The following CTSV variants were observed in gnomAD, a reference collection of about 807,000 sequenced individuals.
CTSV encodes cathepsin V.
A neutral mutation model predicts 35.6 loss-of-function variants in CTSV; 33 were observed. That is an observed-to-expected ratio of 0.93 (90% confidence interval 0.70 to 1.24). The LOEUF is 1.24. Ranked by LOEUF, CTSV falls within the 50% of genes most tolerant of loss-of-function variation. The pLI is 0.00. For missense variants in CTSV, 408 were observed against 413.1 expected (o/e 0.99, Z 0.11); for synonymous variants, 154 against 147.1 (o/e 1.05, Z -0.34).
In CTSV at chr9:97,034,710, A is replaced by G; in HGVS notation, c.905+16T>C. ...ATTTGGAACAAAAATTCCCTTTTCA[A>G]TTTTGAGTTTTATACCTGTTTTTGA... On this transcript the variant is annotated intron_variant, in intron 7 of 7. Transcript: ENST00000259470. 1 of 1,597,296 alleles carries G rather than the reference A, an allele frequency of 6.3e-7. No homozygotes were observed. Among genetic ancestry groups the G allele is most frequent in the African/African-American group, 1.3e-5 (1 of 74,692 alleles).
intron 4 of CTSV, among the ~76,000 whole-genome samples, chr9:97,037,000 G>T (rs112818299): frequency 2.0e-5 from 3 of 152,008 alleles, no homozygotes; most frequent in Admixed American, 2.0e-4. Flanking sequence ...CCAGCTACTC[G>T]GGAGGTGGAG....
In CTSV at chr9:97,031,154, T is replaced by C. The variant is rs1828738804; in HGVS notation, c.*1795A>G. ...TCAATTTAGTGCCTAGATGTTTCCT[T>C]AGAGCCTGGGTTGTTGTTCCAAGAA... On this transcript the variant is annotated 3_prime_UTR_variant, in exon 8 of 8. Transcript: ENST00000259470. The C allele has an allele frequency of 6.6e-6, 1 of 152,240 alleles. No individual in the cohort carries two copies. The allele number at this position is 152,240 out of a possible 1,614,324, so 9.4% of individuals were successfully genotyped here. A position where few individuals can be genotyped will look rare whatever the true frequency, so the allele number is the denominator to read the frequency against.
upstream of CTSV, chr9:97,039,573 T>A (rs1168007290): frequency 1.2e-4 from 18 of 151,438 alleles, no homozygotes; most frequent in Admixed American, 1.2e-3. Flanking sequence ...TGGGACGGAG[T>A]GGAAGAACGC....
chr9:97,039,372 A>G (rs2119240183), upstream of CTSV: 1 of 152,160 alleles, frequency 6.6e-6, no homozygotes, highest in Non-Finnish European at 1.5e-5. Context: ...GAGGAGGGGG[A>G]GGCGCCTCCC....
At chr9:97,034,460 C>T (rs1828810533) in intron 7 of CTSV, among the ~76,000 whole-genome samples, 1 of 152,212 alleles carries the variant, frequency 6.6e-6, no homozygotes. Flanking sequence ...CTCAAACCTA[C>T]AGGTCCACAG....
Position 97,035,604 on chromosome 9 carries a change from C to A in CTSV, c.711G>T (p.Met237Ile), listed in dbSNP as rs747347091. 3 of 1,606,878 alleles carry A rather than the reference C, an allele frequency of 1.9e-6. No individual in the cohort carries two copies. The highest frequency in any genetic ancestry group is 2.6e-6 in the Non-Finnish European group (3 of 1,176,000). ...TGGGCCCCACAGTTGCGACTGCTTT[C>A]ATCAGGGCCTTCTCCTTTCCAGGTG... is the stretch of plus-strand genomic sequence containing the variant. ...VVAPGKEKAL[M>I]KAVATVGPIS... Residue 237 changes from methionine to isoleucine, a missense_variant, in exon 6 of 8, where the codon ATG becomes ATT. Coordinates refer to ENST00000259470, the MANE Select transcript of CTSV (RefSeq NM_001333.4).
In CTSV at chr9:97,033,043, C is replaced by G; in HGVS notation, c.911G>C (p.Gly304Ala). ...ATAGCCATTCGAGCCCCATTCTGGA[C>G]CCCAGCTGAAAGAGGAGCAGGTTTT... is the stretch of plus-strand genomic sequence containing the variant. ...SKYWLVKNSW[G>A]PEWGSNGYVK... The change falls in exon 8 of 8, where the codon GGT (glycine) becomes GCT (alanine). Residue 304 changes from glycine (G) to alanine (A), a missense_variant. By Grantham distance (60) the Gly-to-Ala change is moderately conservative. Transcript: ENST00000259470. 2 of 1,608,030 alleles carry G rather than the reference C, an allele frequency of 1.2e-6. No homozygotes were observed. Among genetic ancestry groups the G allele is most frequent in the Non-Finnish European group, 1.7e-6 (2 of 1,177,762 alleles).
intron 4 of CTSV, 83 bp downstream of exon 4, chr9:97,037,169 G>T: frequency 2.1e-6 from 3 of 1,420,966 alleles, no homozygotes; most frequent in East Asian, 2.3e-5. Flanking sequence ...ACCATATGTT[G>T]TGCCACCATC....
At position 97,036,748 on chromosome 9, in the gene CTSV, C is replaced by T; in HGVS notation, c.397-1G>A. On this transcript the variant is annotated splice_acceptor_variant, in intron 4 of 7. Transcript: ENST00000259470. LOFTEE classifies it high-confidence loss of function. ...AAGCCCAACAAGAACCACACTGTTT[C>T]TAAAAAGGGAGAAAAAAAAAGCTGT... The T allele has an allele frequency of 6.3e-7, 1 of 1,577,144 alleles. No individual in the cohort carries two copies. Among genetic ancestry groups the T allele is most frequent in the Non-Finnish European group, 8.6e-7 (1 of 1,166,008 alleles).
At chr9:97,038,309 G>A (rs2119237600) in intron 1 of CTSV, 1 of 320,096 alleles carries the variant, frequency 3.1e-6, no homozygotes, top group East Asian at 6.1e-5. Flanking sequence ...TGACGGGTGA[G>A]AAGCTTAAGG....
In CTSV at chr9:97,037,577, A is replaced by T. The variant is rs1828876563; in HGVS notation, c.165T>A (p.Asn55Lys). Reference protein sequence around the residue: ...EGWRRAVWEKNMKMIELHNGE... With the variant: ...EGWRRAVWEKKMKMIELHNGE... ...CATTGTGCAGTTCAATCATTTTCAT[A>T]TTCTTTTCCCACACTGCTCTCCTCC... Residue 55 changes from asparagine (N) to lysine (K), a missense_variant, in exon 3 of 8, where the codon AAT becomes AAA. Asn to Lys is a moderately conservative substitution (Grantham distance 94). Coordinates refer to ENST00000259470, the MANE Select transcript of CTSV (RefSeq NM_001333.4). The T allele has an allele frequency of 6.2e-7, 1 of 1,614,010 alleles. No individual in the cohort carries two copies. Among genetic ancestry groups the T allele is most frequent in the Admixed American group, 1.7e-5 (1 of 59,986 alleles).
Position 97,030,189 on chromosome 9 carries a change from A to G in CTSV, c.*2760T>C, listed in dbSNP as rs1421279044. On this transcript the variant is annotated 3_prime_UTR_variant, in exon 8 of 8. Transcript: ENST00000259470. ...TTTATCAGTTACAAAAGGAAATAACATTTAGAAAACAGTTTCAACTTTCAT... is the reference window on the plus strand; with the variant it reads ...TTTATCAGTTACAAAAGGAAATAACGTTTAGAAAACAGTTTCAACTTTCAT... 6.6e-6 allele frequency: 1 copy of G among 152,246 alleles called. No individual in the cohort carries two copies. Among genetic ancestry groups the G allele is most frequent in the Non-Finnish European group, 1.5e-5 (1 of 68,042 alleles). 9.4% of individuals were successfully genotyped at this position (152,246 alleles called of 1,614,324 possible).
In CTSV at chr9:97,036,325, C is replaced by T. The variant is rs150953918; in HGVS notation, c.621+198G>A. Reference sequence around the variant, plus strand: ...TGACCTCGTGATCCGCCTGTCTCGGCCTCCCAAACTGCTGGGATTACAGGT... The same window carrying T: ...TGACCTCGTGATCCGCCTGTCTCGGTCTCCCAAACTGCTGGGATTACAGGT... On this transcript the variant is annotated intron_variant, in intron 5 of 7. Coordinates refer to ENST00000259470, the MANE Select transcript of CTSV (RefSeq NM_001333.4). 1,714 of 604,842 alleles carry T rather than the reference C, an allele frequency of 2.8e-3. 16 individuals are homozygous for T. The highest frequency in any genetic ancestry group is 0.027 in the African/African-American group (1,482 of 54,238). 37.5% of individuals were successfully genotyped at this position (604,842 alleles called of 1,614,324 possible).
chr9:97,038,245 C>T (rs530355468), intron 1 of CTSV, among the ~76,000 whole-genome samples, 192 bp from the exon 2 acceptor site: 2 of 152,136 alleles, frequency 1.3e-5, no homozygotes, highest in South Asian at 2.1e-4. Flanking sequence ...GAGTTGGAGG[C>T]GTTGAAACAG....
intron 7 of CTSV, among the ~76,000 whole-genome samples, chr9:97,033,936 A>G (rs1828801938): frequency 6.6e-6 from 1 of 150,778 alleles, no homozygotes; most frequent in African/African-American, 2.4e-5. Flanking sequence ...CTACTAAAAA[A>G]TACAAAAAAA....
At chr9:97,033,751 T>C (rs187370678) in intron 7 of CTSV, among the ~76,000 whole-genome samples, 65 of 151,722 alleles carry the variant, frequency 4.3e-4, no homozygotes, top group East Asian at 1.9e-4. Flanking sequence ...TGAGCCGAGA[T>C]TGCACCACTG....
At chr9:97,039,167 A>G (rs1160683183), upstream of CTSV, 3 of 152,190 alleles carry the variant, frequency 2.0e-5, no homozygotes, top group Admixed American at 2.0e-4. Flanking sequence ...CTCGGGATTT[A>G]AGTTTCCAGG....
rs1391007006 is a variant in CTSV at position 97,031,136 on chromosome 9, A to C, written c.*1813T>G. ...AAGCCATCACTCTTTCATTCAATTT[A>C]GTGCCTAGATGTTTCCTTAGAGCCT... On this transcript the variant is annotated 3_prime_UTR_variant, in exon 8 of 8. Coordinates refer to ENST00000259470, the MANE Select transcript of CTSV (RefSeq NM_001333.4). The C allele has an allele frequency of 6.6e-6, 1 of 152,228 alleles. No individual in the cohort carries two copies. The highest frequency in any genetic ancestry group is 1.5e-5 in the Non-Finnish European group (1 of 68,036). 9.4% of individuals were successfully genotyped at this position (152,228 alleles called of 1,614,324 possible).
chr9:97,036,449 G>A (rs755294973), intron 5 of CTSV, 74 bp downstream of exon 5: 3 of 1,021,130 alleles, frequency 2.9e-6, no homozygotes, highest in Non-Finnish European at 4.6e-6. Context: ...TCTGAAAAAA[G>A]TATCTGTTAT....
Sources: gnomAD v4.1 joint callset for allele counts (sites outside exome capture counted in the v4.1 genomes callset) on GRCh38, gnomAD v4.1.1 for gene constraint, MANE v1.5 for transcripts, NCBI Gene and HGNC (gene_info 2026-07-23, HGNC 2026-07-21) for gene names.